The following PIP4P2 variants were observed in gnomAD, a reference collection of about 807,000 sequenced individuals.
PIP4P2 encodes type 2 phosphatidylinositol 4,5-bisphosphate 4-phosphatase.
Under a neutral mutation model 33.3 loss-of-function variants are expected in PIP4P2, and 19 were observed. That is an observed-to-expected ratio of 0.57 (90% CI 0.40 to 0.84). PIP4P2 has a LOEUF of 0.84. Among genes scored for constraint, PIP4P2 ranks in the 40% least tolerant of loss-of-function variants. The probability of loss-of-function intolerance (pLI) is 0.00; values close to 1 mark genes in which losing one functional copy is unlikely to be tolerated. For synonymous variants in PIP4P2, 110 were observed against 111.9 expected (o/e 0.98, Z 0.11); for missense variants, 270 against 324.7 (o/e 0.83, Z 1.29).
chr8:91,024,711 T>C (rs2130373507), intron 1 of PIP4P2, among the ~76,000 whole-genome samples: 1 of 152,296 alleles, frequency 6.6e-6, no homozygotes, highest in African/African-American at 2.4e-5. Flanking sequence ...CAAAAATTCC[T>C]CATTTTGGAA....
chr8:91,004,600 A>C (rs1317793097), intron 5 of PIP4P2, among the ~76,000 whole-genome samples: 3 of 152,182 alleles, frequency 2.0e-5, no homozygotes, highest in Non-Finnish European at 4.4e-5. Context: ...ATTTCATTAG[A>C]GCAAATTCAG....
intron 1 of PIP4P2, among the ~76,000 whole-genome samples, chr8:91,037,149 CA>C: frequency 6.6e-6 from 1 of 152,304 alleles, no homozygotes; most frequent in East Asian, 1.9e-4. Context: ...GGCATCAGCC[CA>C]GATTCAAGGG....
chr8:91,024,971 C>T (rs967765952), intron 1 of PIP4P2, among the ~76,000 whole-genome samples: 1 of 152,110 alleles, frequency 6.6e-6, no homozygotes, highest in African/African-American at 2.4e-5. Flanking sequence ...AAGGGTTATA[C>T]ACAACTTCAG....
At chr8:91,017,739 G>A (rs952649259) in intron 4 of PIP4P2, among the ~76,000 whole-genome samples, 2 of 151,616 alleles carry the variant, frequency 1.3e-5, no homozygotes, top group Non-Finnish European at 2.9e-5. Context: ...CTCCTATATG[G>A]GCTGAACAAT....
chr8:91,040,755 C>A lies in PIP4P2; in HGVS notation c.-6G>T, dbSNP rs1290567969. ...TCCACCCCATCAGCAGCCATGACTG[C>A]GGCAGCGGCGGGGCCTGGGGAGGCC... On this transcript the variant is annotated 5_prime_UTR_variant, in exon 1 of 7. Transcript: ENST00000285419. The A allele has an allele frequency of 6.2e-7, 1 of 1,611,302 alleles. No homozygotes were observed. Among genetic ancestry groups the A allele is most frequent in the Non-Finnish European group, 8.5e-7 (1 of 1,179,774 alleles).
intron 3 of PIP4P2, 167 bp from the exon 4 acceptor site, chr8:91,018,680 T>G (rs1811955440): frequency 2.1e-6 from 2 of 966,190 alleles, no homozygotes; most frequent in East Asian, 5.4e-5. Context: ...AGTCAGTTTT[T>G]CAAAAGCAAA....
Position 91,018,392 on chromosome 8 carries a change from G to A in PIP4P2, c.484C>T (p.Leu162=). 1 of 1,613,940 alleles carries A rather than the reference G, an allele frequency of 6.2e-7. No individual in the cohort carries two copies. Among genetic ancestry groups the A allele is most frequent in the Admixed American group, 1.7e-5 (1 of 59,996 alleles). Residue 162 remains leucine, a splice_region_variant and synonymous_variant, in exon 4 of 7, where the codon CTG becomes TTG. Coordinates refer to ENST00000285419, the MANE Select transcript of PIP4P2 (RefSeq NM_018710.3). ...VVCGHCGNTF[L]WMELRFNTLA... is the part of the protein sequence containing the mutation. ...ATGACAAATGTCCAGTGACTTACCA[G>A]GAATGTGTTTCCACAGTGCCCACAC...
chr8:91,009,533 T>G (rs1487954866), intron 4 of PIP4P2, among the ~76,000 whole-genome samples: 1 of 152,010 alleles, frequency 6.6e-6, no homozygotes, highest in Non-Finnish European at 1.5e-5. Flanking sequence ...TACTTCCTTA[T>G]AAAGGGTATA....
intron 1 of PIP4P2, among the ~76,000 whole-genome samples, chr8:91,036,602 T>C (rs1000264283): frequency 6.6e-6 from 1 of 152,194 alleles, no homozygotes; most frequent in Non-Finnish European, 1.5e-5. Context: ...TTCAGTTAAA[T>C]TGCCCGAATT....
chr8:91,032,592 C>T (rs138698528), intron 1 of PIP4P2, among the ~76,000 whole-genome samples: 2,979 of 151,990 alleles, frequency 0.02, 46 homozygotes, highest in Middle Eastern at 0.037. Context: ...ACCAGCCTGG[C>T]CAACATGGTG....
At chr8:91,006,600 T>C (rs557532320) in intron 5 of PIP4P2, among the ~76,000 whole-genome samples, 1 of 152,212 alleles carries the variant, frequency 6.6e-6, no homozygotes, top group Non-Finnish European at 1.5e-5. Context: ...AGGATTGCTG[T>C]AAAGATTACA....
chr8:91,014,994 A>C (rs1258840701), intron 4 of PIP4P2, among the ~76,000 whole-genome samples: 1 of 152,164 alleles, frequency 6.6e-6, no homozygotes, highest in Non-Finnish European at 1.5e-5. Context: ...ACCCTTCCCC[A>C]ATATATTAAG....
intron 4 of PIP4P2, among the ~76,000 whole-genome samples, chr8:91,012,987 C>T (rs1243619539): frequency 6.6e-6 from 1 of 152,164 alleles, no homozygotes; most frequent in Non-Finnish European, 1.5e-5. Flanking sequence ...CTTTTCTCCT[C>T]ATTCCCTTTT....
intron 1 of PIP4P2, among the ~76,000 whole-genome samples, chr8:91,036,061 C>G (rs1352776957): frequency 6.6e-6 from 1 of 152,038 alleles, no homozygotes; most frequent in Non-Finnish European, 1.5e-5. Flanking sequence ...GGCCTGAAGG[C>G]TTTAATCACT....
At chr8:91,016,385 T>C (rs1015536924) in intron 4 of PIP4P2, among the ~76,000 whole-genome samples, 1 of 151,706 alleles carries the variant, frequency 6.6e-6, no homozygotes, top group African/African-American at 2.4e-5. Context: ...CACGAAGACA[T>C]AGACTCATGA....
rs753386654 is a variant in PIP4P2 at position 91,040,723 on chromosome 8, G to A, written c.27C>T (p.Arg9=). 2.5e-6 allele frequency: 4 copies of A among 1,612,580 alleles called. No individual in the cohort carries two copies. In the South Asian group the frequency reaches 4.4e-5, roughly 18 times the overall value. The stretch of plus-strand genomic sequence containing the variant: ...AGTGGGATGCTGACAGCAGAGGCGA[G>A]CGTTCGTCCACCCCATCAGCAGCCA... MAADGVDE[R]SPLLSASHSG... The change falls in exon 1 of 7, where the codon CGC becomes CGT. Residue 9 remains arginine (R), a synonymous_variant. Transcript: ENST00000285419.
intron 1 of PIP4P2, among the ~76,000 whole-genome samples, chr8:91,033,410 A>G (rs1812196482): frequency 6.6e-6 from 1 of 151,972 alleles, no homozygotes; most frequent in Admixed American, 6.6e-5. Context: ...CACTGACTCA[A>G]CCCATCAGCA....
chr8:91,036,459 T>G (rs1362861959), intron 1 of PIP4P2, among the ~76,000 whole-genome samples: 1 of 152,212 alleles, frequency 6.6e-6, no homozygotes, highest in Non-Finnish European at 1.5e-5. Context: ...GCCAGAATTC[T>G]AGGAGATACC....
At chr8:91,018,319 A>C in intron 4 of PIP4P2, 71 bp downstream of exon 4, 1 of 1,602,450 alleles carries the variant, frequency 6.2e-7, no homozygotes, top group African/African-American at 1.3e-5. Context: ...CTATAAGACT[A>C]TGAGCAGTGC....
Sources: allele counts gnomAD v4.1 joint callset (sites outside exome capture counted in the v4.1 genomes callset), GRCh38; gene constraint gnomAD v4.1.1; transcripts MANE v1.5; gene names NCBI Gene and HGNC (gene_info 2026-07-23, HGNC 2026-07-21).